The following MN1 variants were observed in gnomAD, a reference collection of about 807,000 sequenced individuals.
MN1 encodes transcriptional activator MN1.
Under a neutral mutation model 86.9 loss-of-function variants are expected in MN1, and 19 were observed. That is an observed-to-expected ratio of 0.22 (90% CI 0.15 to 0.32). The LOEUF (loss-of-function observed/expected upper bound fraction) is 0.32, where lower values mean the gene tolerates loss of function less well. Ranked by LOEUF, MN1 falls within the 10% of genes least tolerant of loss-of-function variation. The pLI is 1.00. For synonymous variants in MN1, 928 were observed against 849.6 expected, an observed-to-expected ratio of 1.09 and a Z score of -1.60; for missense variants, 1,841 against 1,862.0, an observed-to-expected ratio of 0.99 and a Z score of 0.21.
chr22:27,750,204 G>C lies in MN1; in HGVS notation c.*711C>G, dbSNP rs1351495933. 4.3e-6 allele frequency: 1 copy of C among 231,598 alleles called. No individual in the cohort carries two copies. Among genetic ancestry groups the C allele is most frequent in the East Asian group, 6.1e-5 (1 of 16,386 alleles). The allele number at this position is 231,598 out of a possible 1,614,324, so 14.3% of individuals were successfully genotyped here. ...TCCAGCAGGAGAAGAGAGAACTCAA[G>C]TGGAAGGGAACTGAAGGCTGAGCAC... On this transcript the variant is annotated 3_prime_UTR_variant, in exon 2 of 2. Coordinates refer to ENST00000302326, the MANE Select transcript of MN1 (RefSeq NM_002430.3).
chr22:27,760,365 C>A (rs1932826773), intron 1 of MN1, among the ~76,000 whole-genome samples: 1 of 151,860 alleles, frequency 6.6e-6, no homozygotes, highest in East Asian at 1.9e-4. Context: ...AAAAATTAAC[C>A]AGACATGGTG....
chr22:27,786,146 A>T (rs1381814870), intron 1 of MN1, among the ~76,000 whole-genome samples: 1 of 152,198 alleles, frequency 6.6e-6, no homozygotes, highest in Non-Finnish European at 1.5e-5. Context: ...GAACCCTGGC[A>T]TTTTGATGGT....
In MN1 at chr22:27,797,445, C is replaced by T; in HGVS notation, c.3099G>A (p.Lys1033=). 6.2e-7 allele frequency: 1 copy of T among 1,605,960 alleles called. No homozygotes were observed. Among genetic ancestry groups the T allele is most frequent in the Non-Finnish European group, 8.5e-7 (1 of 1,176,406 alleles). ...CCACGTTTGGCGAACTACTGTCCGA[C>T]TTGGCCCCGCCGTCCAGGGACCCAA... ...DLIGSLDGGA[K]SDSSSPNVGE... Residue 1033 remains lysine (K), a synonymous_variant, in exon 1 of 2, where the codon AAG becomes AAA. Transcript: ENST00000302326.
chr22:27,797,169 G>A lies in MN1; in HGVS notation c.3375C>T (p.Gly1125=), dbSNP rs1442736044. 3 of 1,560,340 alleles carry A rather than the reference G, an allele frequency of 1.9e-6. No homozygotes were observed. Among genetic ancestry groups the A allele is most frequent in the South Asian group, 1.2e-5 (1 of 86,248 alleles). ...PDSYGGGGGP[G]HPGTPGLEQV... ...GCTCCAGGCCCGGAGTGCCCGGATG[G>A]CCCGGGCCCCCACCGCCGCCGTAGC... Residue 1125 remains glycine, a synonymous_variant, in exon 1 of 2, where the codon GGC becomes GGT. Coordinates refer to ENST00000302326, the MANE Select transcript of MN1 (RefSeq NM_002430.3).
chr22:27,788,178 C>T (rs1468267394), intron 1 of MN1, among the ~76,000 whole-genome samples: 1 of 152,210 alleles, frequency 6.6e-6, no homozygotes, highest in Non-Finnish European at 1.5e-5. Flanking sequence ...GCATTTCTCC[C>T]TGCCCCATCC....
At chr22:27,776,287 C>A (rs973804889) in intron 1 of MN1, among the ~76,000 whole-genome samples, 1 of 152,104 alleles carries the variant, frequency 6.6e-6, no homozygotes, top group Non-Finnish European at 1.5e-5. Context: ...GAGCTCAATC[C>A]CGTCTCGAGG....
Position 27,800,528 on chromosome 22 carries a change from G to C in MN1, c.16C>G (p.Gln6Glu), listed in dbSNP as rs1195840796. 1 of 1,614,050 alleles carries C rather than the reference G, an allele frequency of 6.2e-7. No individual in the cohort carries two copies. The highest frequency in any genetic ancestry group is 1.7e-5 in the Admixed American group (1 of 60,014). The stretch of plus-strand genomic sequence containing the variant: ...CTGCTGTTGACCTGGGGCTCGAATT[G>C]GTCCAGCCCAAACATACTTGGCGGG... The part of the protein sequence containing the change: MFGLD[Q>E]FEPQVNSRNA... The change falls in exon 1 of 2, where the codon CAA (glutamine) becomes GAA (glutamate). Residue 6 changes from glutamine to glutamate, a missense_variant. Coordinates refer to ENST00000302326, the MANE Select transcript of MN1 (RefSeq NM_002430.3).
At chr22:27,778,416 C>G (rs1933007504) in intron 1 of MN1, among the ~76,000 whole-genome samples, 1 of 152,244 alleles carries the variant, frequency 6.6e-6, no homozygotes, top group Non-Finnish European at 1.5e-5. Flanking sequence ...GGAGAATGAG[C>G]CATCCCACAG....
chr22:27,799,149 C>T lies in MN1; in HGVS notation c.1395G>A (p.Ala465=), dbSNP rs374517656. The change falls in exon 1 of 2, where the codon GCG becomes GCA. Residue 465 remains alanine (A), a synonymous_variant. Transcript: ENST00000302326. ...KRPRFDFPGS[A]GVDRCASWNG... ...TCCACGAAGCGCAGCGGTCCACTCCCGCGCTGCCCGGAAAGTCGAAGCGCG... is the reference window on the plus strand; with the variant it reads ...TCCACGAAGCGCAGCGGTCCACTCCTGCGCTGCCCGGAAAGTCGAAGCGCG... 6.2e-7 allele frequency: 1 copy of T among 1,606,734 alleles called. No homozygotes were observed. Among genetic ancestry groups the T allele is most frequent in the South Asian group, 1.1e-5 (1 of 90,830 alleles).
intron 1 of MN1, among the ~76,000 whole-genome samples, chr22:27,774,818 G>A (rs924539105): frequency 2.6e-5 from 4 of 152,094 alleles, no homozygotes; most frequent in Non-Finnish European, 5.9e-5. Context: ...TGTGTGCCAG[G>A]GGCAGCTCTG....
chr22:27,761,712 G>A (rs570678557), intron 1 of MN1, among the ~76,000 whole-genome samples: 37 of 152,348 alleles, frequency 2.4e-4, no homozygotes, highest in African/African-American at 8.7e-4. Context: ...GGAGGGGTCT[G>A]CAAGGCCCCC....
Position 27,796,806 on chromosome 22 carries a change from C to G in MN1, c.3738G>C (p.Ala1246=), listed in dbSNP as rs767225766. The G allele has an allele frequency of 6.2e-7, 1 of 1,608,600 alleles. No homozygotes were observed. Among genetic ancestry groups the G allele is most frequent in the Non-Finnish European group, 8.5e-7 (1 of 1,179,264 alleles). The change falls in exon 1 of 2, where the codon GCG becomes GCC. Residue 1246 remains alanine (A), a synonymous_variant. Coordinates refer to ENST00000302326, the MANE Select transcript of MN1 (RefSeq NM_002430.3). ...VDSADDDKTL[A]PWEKAKPQNP... ...TCTGGGGTTTGGCCTTCTCCCAGGG[C>G]GCCAACGTCTTGTCGTCGTCCGCGC...
In MN1 at chr22:27,797,660, A is replaced by G. The variant is rs534459944; in HGVS notation, c.2884T>C (p.Tyr962His). The change falls in exon 1 of 2, where the codon TAC becomes CAC. Residue 962 changes from tyrosine to histidine, a missense_variant. Coordinates refer to ENST00000302326, the MANE Select transcript of MN1 (RefSeq NM_002430.3). ...CCCCCGCTGTCCGGAGCCGCCGAGT[A>G]CTTGTCAAAGAAGGTGCCAGGGCTC... ...HVSPGTFFDK[Y>H]SAAPDSGGAP... 6.2e-7 allele frequency: 1 copy of G among 1,604,554 alleles called. No homozygotes were observed. Among genetic ancestry groups the G allele is most frequent in the Non-Finnish European group, 8.5e-7 (1 of 1,176,068 alleles).
At chr22:27,771,637 C>G (rs1013310154) in intron 1 of MN1, among the ~76,000 whole-genome samples, 2 of 152,124 alleles carry the variant, frequency 1.3e-5, no homozygotes, top group African/African-American at 4.8e-5. Flanking sequence ...TATCAGAACA[C>G]AGCCACACCC....
At chr22:27,756,139 C>T (rs992269202) in intron 1 of MN1, among the ~76,000 whole-genome samples, 1 of 152,190 alleles carries the variant, frequency 6.6e-6, no homozygotes, top group Admixed American at 6.5e-5. Context: ...CCGGGGAGGG[C>T]TGAGTGACCC....
rs556076472 is a variant in MN1, at chr22:27,775,892, A to G, written c.3781+20871T>C. 2.0e-5 allele frequency among the ~76,000 whole-genome samples: 3 copies of G among 152,312 alleles called. No homozygotes were observed. In the South Asian group the frequency reaches 6.2e-4, roughly 32 times the overall value. On this transcript the variant is annotated intron_variant, in intron 1 of 1. Coordinates refer to ENST00000302326, the MANE Select transcript of MN1 (RefSeq NM_002430.3). The stretch of plus-strand genomic sequence containing the variant: ...CTGCCCCTCTGCTCCCTGCCGCCTG[A>G]AGCCTGACCCCTGACATTTCTACTC...
At chr22:27,771,459 T>C (rs1179159848) in intron 1 of MN1, among the ~76,000 whole-genome samples, 1 of 151,902 alleles carries the variant, frequency 6.6e-6, no homozygotes, top group Non-Finnish European at 1.5e-5. Context: ...ACTCCTGTCC[T>C]CAGGCAATCC....
At position 27,797,819 on chromosome 22, in the gene MN1, G is replaced by C. The variant is rs201879268; in HGVS notation, c.2725C>G (p.Pro909Ala). 1 of 1,584,812 alleles carries C rather than the reference G, an allele frequency of 6.3e-7. No individual in the cohort carries two copies. Among genetic ancestry groups the C allele is most frequent in the Non-Finnish European group, 8.6e-7 (1 of 1,167,632 alleles). Residue 909 changes from proline to alanine, a missense_variant, in exon 1 of 2, where the codon CCT becomes GCT. Pro to Ala is a conservative substitution (Grantham distance 27). Transcript: ENST00000302326. Reference protein sequence around the residue: ...SGSKASGPPNPPAQGDGTSLS... With the variant: ...SGSKASGPPNAPAQGDGTSLS... The stretch of plus-strand genomic sequence containing the variant: ...CTGGTGCCGTCCCCCTGGGCTGGAG[G>C]GTTGGGCGGCCCCGAGGCTTTGGAG...
chr22:27,790,855 A>AC (rs1170281470), intron 1 of MN1, among the ~76,000 whole-genome samples: 2 of 152,090 alleles, frequency 1.3e-5, no homozygotes, highest in Non-Finnish European at 2.9e-5. Flanking sequence ...GATCAAAGTC[A>AC]CCCACAGCCC....
Sources: allele counts gnomAD v4.1 joint callset (sites outside exome capture counted in the v4.1 genomes callset), GRCh38; gene constraint gnomAD v4.1.1; transcripts MANE v1.5; gene names NCBI Gene and HGNC (gene_info 2026-07-23, HGNC 2026-07-21).